Variants in RPL22 observed in about 807,000 individuals in gnomAD.
The protein encoded by RPL22 is ribosomal protein L22.
In RPL22, 4 loss-of-function variants were observed where a neutral mutation model predicts 16.2. The ratio of observed to expected loss-of-function variants is 0.25; its 90% CI spans 0.12 to 0.57. RPL22 has a LOEUF of 0.57. Ranked by LOEUF, RPL22 falls within the 20% of genes least tolerant of loss-of-function variation. The probability of loss-of-function intolerance (pLI) is 0.92; values close to 1 mark genes in which losing one functional copy is unlikely to be tolerated. For missense variants in RPL22, 83 were observed against 156.1 expected (o/e 0.53, Z 2.49); for synonymous variants, 43 against 54.8 (o/e 0.78, Z 0.95).
intron 2 of RPL22, among the ~76,000 whole-genome samples, chr1:6,195,625 G>A (rs11590960): frequency 1.6e-3 from 247 of 151,030 alleles, no homozygotes; most frequent in Non-Finnish European, 2.8e-3. Flanking sequence ...GGTGGCACAC[G>A]CCTGTAATCT....
rs1181273219 is a variant in RPL22, at chr1:6,185,090, A to G, written c.*1582T>C. On this transcript the variant is annotated 3_prime_UTR_variant, in exon 4 of 4. Coordinates refer to ENST00000234875, the MANE Select transcript of RPL22 (RefSeq NM_000983.4). ...ATCAAAACTCGATTACAAGAGTTCA[A>G]AAAGACATAGAAAACCAGTGAGTTT... 6 of 378,868 alleles carry G rather than the reference A, an allele frequency of 1.6e-5. No individual in the cohort carries two copies. The highest frequency in any genetic ancestry group is 2.8e-5 in the Non-Finnish European group (6 of 214,514). 23.5% of individuals were successfully genotyped at this position (378,868 alleles called of 1,614,324 possible). A position where few individuals can be genotyped will look rare whatever the true frequency, so the allele number is the denominator to read the frequency against.
rs542445220 is a variant in RPL22, at chr1:6,190,887, G to A, written c.242+2043C>T. Among the ~76,000 whole-genome samples, 3 of 152,290 alleles carry A rather than the reference G, an allele frequency of 2.0e-5. No individual in the cohort carries two copies. In the East Asian group the frequency reaches 5.8e-4, roughly 29 times the overall value. On this transcript the variant is annotated intron_variant, in intron 3 of 3. Coordinates refer to ENST00000234875, the MANE Select transcript of RPL22 (RefSeq NM_000983.4). ...CTGAGGTCTTCAGATTCCTTGTTCA[G>A]TGCCAAAGTAGCACTTACAAGGGAA...
intron 3 of RPL22, among the ~76,000 whole-genome samples, chr1:6,188,792 ATT>A (rs764758751): frequency 3.5e-5 from 5 of 143,152 alleles, no homozygotes; most frequent in South Asian, 2.2e-4. Context: ...GATCCCTGGC[ATT>A]TTTTTTTTTT....
In RPL22 at chr1:6,189,471, G is replaced by A. The variant is rs565343524; in HGVS notation, c.243-2655C>T. 2.0e-5 allele frequency among the ~76,000 whole-genome samples: 3 copies of A among 152,032 alleles called. No individual in the cohort carries two copies. The South Asian group carries it at 6.2e-4, about 32-fold the overall frequency. ...CCAGCTATTTGGGAGGCTGAGGTAG[G>A]ACTGTTTGAGCCAGGAGATGGAGGC... is the stretch of plus-strand genomic sequence containing the variant. On this transcript the variant is annotated intron_variant, in intron 3 of 3. Coordinates refer to ENST00000234875, the MANE Select transcript of RPL22 (RefSeq NM_000983.4).
rs1667586565 is a variant in RPL22, at chr1:6,186,768, A to G, written c.291T>C (p.Arg97=). ...TGTTAGCAACTACGCGCAACCAGTC[A>G]CGTAGATTATTCTTCTTCAAATATT... The part of the protein sequence containing the change: ...TKKYLKKNNL[R]DWLRVVANSK... The change falls in exon 4 of 4, where the codon CGT becomes CGC. Residue 97 remains arginine (R), a synonymous_variant. Transcript: ENST00000234875. 5 of 1,612,382 alleles carry G rather than the reference A, an allele frequency of 3.1e-6. No individual in the cohort carries two copies. In the Admixed American group the frequency reaches 5.0e-5, roughly 16 times the overall value.
intron 1 of RPL22, chr1:6,198,740 A>G (rs1557576137): frequency 6.6e-6 from 1 of 152,234 alleles, no homozygotes; most frequent in Non-Finnish European, 1.5e-5. Context: ...GGGTACTTTA[A>G]GATCTATTCC....
chr1:6,189,883 T>C lies in RPL22; in HGVS notation c.242+3047A>G, dbSNP rs554704235. On this transcript the variant is annotated intron_variant, in intron 3 of 3. Coordinates refer to ENST00000234875, the MANE Select transcript of RPL22 (RefSeq NM_000983.4). Reference sequence around the variant, plus strand: ...TTTCAGTGAGCTGAAATCGCGCCATTGCACTCCAGCCTAGACAAGAAGATC... The same window carrying C: ...TTTCAGTGAGCTGAAATCGCGCCATCGCACTCCAGCCTAGACAAGAAGATC... 1.9e-3 allele frequency among the ~76,000 whole-genome samples: 288 copies of C among 152,318 alleles called. 1 individual carries two copies. The Middle Eastern group carries it at 0.02, about 11-fold the overall frequency.
intron 3 of RPL22, among the ~76,000 whole-genome samples, chr1:6,187,379 C>T (rs1667595244): frequency 1.3e-5 from 2 of 151,842 alleles, no homozygotes; most frequent in South Asian, 4.2e-4. Context: ...TTTTGGAGGG[C>T]TGAGGCAGGC....
chr1:6,189,612 TAAA>T (rs550383303), intron 3 of RPL22, among the ~76,000 whole-genome samples: 2 of 125,794 alleles, frequency 1.6e-5, no homozygotes, highest in African/African-American at 2.9e-5. Context: ...AAAATCAGGT[TAAA>T]AAAAAAAAAA....
At chr1:6,199,343 G>A (rs1667764528) in intron 1 of RPL22, 2 of 1,286,966 alleles carry the variant, frequency 1.6e-6, no homozygotes, top group East Asian at 3.0e-5. Context: ...CCGGGCCTCC[G>A]AGACCTCCCG....
intron 2 of RPL22, among the ~76,000 whole-genome samples, chr1:6,197,408 G>A (rs1190728351): frequency 2.0e-5 from 3 of 152,168 alleles, no homozygotes; most frequent in Admixed American, 6.5e-5. Context: ...ACACCTCTGT[G>A]CTAGAGCCCT....
chr1:6,190,355 C>T (rs1278024915), intron 3 of RPL22, among the ~76,000 whole-genome samples: 2 of 152,156 alleles, frequency 1.3e-5, no homozygotes, highest in East Asian at 3.8e-4. Context: ...AAATTTCCCA[C>T]CACTTGATTT....
In RPL22 at chr1:6,189,782, G is replaced by A. The variant is rs549801640; in HGVS notation, c.243-2966C>T. On this transcript the variant is annotated intron_variant, in intron 3 of 3. Coordinates refer to ENST00000234875, the MANE Select transcript of RPL22 (RefSeq NM_000983.4). ...TAAAAATACAAAAAATTAACCGGGC[G>A]TGGTGGCAGGCGCCTGTAATCCCAG... Among the ~76,000 whole-genome samples the A allele has an allele frequency of 3.2e-4, 48 of 152,198 alleles. No individual in the cohort carries two copies. The South Asian group carries it at 8.5e-3, about 27-fold the overall frequency.
In RPL22 at chr1:6,185,489, A is replaced by C; in HGVS notation, c.*1183T>G. On this transcript the variant is annotated 3_prime_UTR_variant, in exon 4 of 4. Coordinates refer to ENST00000234875, the MANE Select transcript of RPL22 (RefSeq NM_000983.4). The stretch of plus-strand genomic sequence containing the variant: ...GTTCAACTCAATCCACAGAGCACCA[A>C]ATGTTTAATGGGAGCCAAGGTAGGA... 2.5e-6 allele frequency: 1 copy of C among 397,504 alleles called. No individual in the cohort carries two copies. The allele number at this position is 397,504 out of a possible 1,614,324, so 24.6% of individuals were successfully genotyped here.
chr1:6,197,153 C>T (rs1370166995), intron 2 of RPL22, among the ~76,000 whole-genome samples: 1 of 152,212 alleles, frequency 6.6e-6, no homozygotes, highest in African/African-American at 2.4e-5. Flanking sequence ...CTGCAGCCTC[C>T]CGAGTAGCTG....
chr1:6,195,727 G>A (rs1032425851), intron 2 of RPL22, among the ~76,000 whole-genome samples: 1 of 151,694 alleles, frequency 6.6e-6, no homozygotes, highest in Admixed American at 6.6e-5. Flanking sequence ...CTCCAGCCTG[G>A]GTGACAGAGT....
chr1:6,187,637 AAAC>A (rs1417423284), intron 3 of RPL22, among the ~76,000 whole-genome samples: 5 of 151,998 alleles, frequency 3.3e-5, no homozygotes, highest in Admixed American at 2.6e-4. Flanking sequence ...CAAAAAAAAA[AAAC>A]AAGAGCAGAT....
chr1:6,198,647 G>C (rs528434126), intron 1 of RPL22: 3 of 152,306 alleles, frequency 2.0e-5, no homozygotes, highest in Admixed American at 2.0e-4. Context: ...TGTGTTAACT[G>C]GATCAACTTT....
intron 3 of RPL22, among the ~76,000 whole-genome samples, chr1:6,189,416 A>T (rs1667620845): frequency 6.6e-6 from 1 of 152,154 alleles, no homozygotes; most frequent in Admixed American, 6.5e-5. Flanking sequence ...TCCCTGACAT[A>T]GCCGGACATG....
Sources: gnomAD v4.1 joint callset for allele counts (sites outside exome capture counted in the v4.1 genomes callset) on GRCh38, gnomAD v4.1.1 for gene constraint, MANE v1.5 for transcripts, NCBI Gene and HGNC (gene_info 2026-07-23, HGNC 2026-07-21) for gene names.